Variants in OXNAD1 observed in about 807,000 individuals in gnomAD.
OXNAD1 encodes oxidoreductase NAD-binding domain-containing protein 1.
In OXNAD1, 34 loss-of-function variants were observed where a neutral mutation model predicts 32.9. The observed-to-expected ratio is 1.03, with a 90% confidence interval of 0.79 to 1.38. OXNAD1 has a LOEUF of 1.38. Among genes scored for constraint, OXNAD1 ranks in the 40% most tolerant of loss-of-function variants. The pLI is 0.00. For synonymous variants in OXNAD1, 134 were observed against 135.2 expected (o/e 0.99, Z 0.06); for missense variants, 407 against 379.4 (o/e 1.07, Z -0.60).
intron 4 of OXNAD1, chr3:16,272,219 A>G (rs777131438): frequency 4.6e-6 from 2 of 438,384 alleles, no homozygotes; most frequent in Middle Eastern, 3.3e-4. Context: ...TTACCCTTCT[A>G]ATGTACAGAT....
At position 16,302,824 on chromosome 3, in the gene OXNAD1, C is replaced by CTTTA; in HGVS notation, c.784+79_784+82dup. ...CACACCAGTTGGTTGAGCGTAGATG[C>CTTTA]TTTATTGTTGGAAGCTGCTGGCTGG... On this transcript the variant is annotated intron_variant, in intron 8 of 8. Transcript: ENST00000285083. This position sits in a 1 kb window ranked among gnomAD's most constrained non-coding sequence, Gnocchi z 4.2. 9.0e-7 allele frequency: 1 copy of CTTTA among 1,117,302 alleles called. No homozygotes were observed. Among genetic ancestry groups the CTTTA allele is most frequent in the Non-Finnish European group, 1.3e-6 (1 of 758,492 alleles). The allele number at this position is 1,117,302 out of a possible 1,614,324, so 69.2% of individuals were successfully genotyped here.
In OXNAD1 at chr3:16,298,508, C is replaced by T. The variant is rs115280391; in HGVS notation, c.433-3118C>T. ...CATCCTAATTGTAGTGCCTGCTCTA[C>T]TCTGCCCAGTGGGAGTTGCAAACAG... On this transcript the variant is annotated intron_variant, in intron 6 of 8. Coordinates refer to ENST00000285083, the MANE Select transcript of OXNAD1 (RefSeq NM_138381.5). This position sits in a 1 kb window ranked among gnomAD's most constrained non-coding sequence, Gnocchi z 5.1. Among the ~76,000 whole-genome samples the T allele has an allele frequency of 4.0e-3, 616 of 152,278 alleles. 4 individuals carry two copies. Among genetic ancestry groups the T allele is most frequent in the African/African-American group, 0.014 (602 of 41,554 alleles).
intron 4 of OXNAD1, among the ~76,000 whole-genome samples, chr3:16,274,727 C>T (rs1053122182): frequency 1.3e-5 from 2 of 152,190 alleles, no homozygotes; most frequent in Admixed American, 6.5e-5. Flanking sequence ...GTGGTGAAAC[C>T]AGGACTGATT....
At position 16,335,105 on chromosome 3, in the gene OXNAD1, T is replaced by G. The variant is rs1015557066; in HGVS notation, c.*31-2007T>G. Among the ~76,000 whole-genome samples the G allele has an allele frequency of 6.6e-6, 1 of 152,232 alleles. No individual in the cohort carries two copies. Among genetic ancestry groups the G allele is most frequent in the South Asian group, 2.1e-4 (1 of 4,828 alleles). On this transcript the variant is annotated intron_variant, in intron 9 of 9. Transcript: ENST00000435829. This position sits in a 1 kb window ranked among gnomAD's most constrained non-coding sequence, Gnocchi z 4.7. ...TTTCAGACTTCTGACTCAACAAATG[T>G]AAGACAATAAACTTGCGTTGTTTTA...
chr3:16,317,031 C>T lies in OXNAD1; in HGVS notation c.*30+13439C>T. On this transcript the variant is annotated intron_variant, in intron 9 of 9. Transcript: ENST00000435829. The surrounding 1 kb of genome is among the most constrained non-coding windows in gnomAD (Gnocchi z 4.3). ...AGCTGTTCTCCCTTGTCCTCTTGGA[C>T]AGGGCCCTTCATCTCCTCGGAGACT... 1 of 1,613,832 alleles carries T rather than the reference C, an allele frequency of 6.2e-7. No homozygotes were observed. The highest frequency in any genetic ancestry group is 8.5e-7 in the Non-Finnish European group (1 of 1,179,968).
chr3:16,271,016 G>A lies in OXNAD1; in HGVS notation c.64G>A (p.Glu22Lys), dbSNP rs767579105. Residue 22 changes from glutamate to lysine, a missense_variant, in exon 3 of 9, where the codon GAG becomes AAG. Transcript: ENST00000285083. This position sits in a 1 kb window ranked among gnomAD's most constrained non-coding sequence, Gnocchi z 4.6. ...GTGCTCTGTTGGAGCCATCCGTATT[G>A]AGGCTGCGTCACTGAGATTGACACT... is the stretch of plus-strand genomic sequence containing the variant. ...LRCSVGAIRIEAASLRLTLST... is the reference protein window; with the variant it reads ...LRCSVGAIRIKAASLRLTLST... 2 of 1,614,172 alleles carry A rather than the reference G, an allele frequency of 1.2e-6. No homozygotes were observed.
intron 9 of OXNAD1, among the ~76,000 whole-genome samples, chr3:16,324,612 G>GGCCCC (rs1270315325): frequency 1.4e-5 from 1 of 71,084 alleles, no homozygotes; most frequent in African/African-American, 6.1e-5. Flanking sequence ...GAATGTCCCT[G>GGCCCC]ACCCCCCCCC....
At chr3:16,286,570 A>G (rs561980017) in intron 5 of OXNAD1, 122 bp downstream of exon 5, 1 of 783,094 alleles carries the variant, frequency 1.3e-6, no homozygotes, top group Admixed American at 2.2e-5. Flanking sequence ...TCTAAATCAT[A>G]TCTGCTCAGG....
In OXNAD1 at chr3:16,287,571, G is replaced by A. The variant is rs1469669762; in HGVS notation, c.290+1123G>A. On this transcript the variant is annotated intron_variant, in intron 5 of 8. Coordinates refer to ENST00000285083, the MANE Select transcript of OXNAD1 (RefSeq NM_138381.5). The surrounding 1 kb of genome is among the most constrained non-coding windows in gnomAD (Gnocchi z 4.8). ...ATATTGAAAAGTGGAAACTTTAATT[G>A]TAATGATCTGTTTTCCATATTTCCT... 6.6e-6 allele frequency among the ~76,000 whole-genome samples: 1 copy of A among 152,204 alleles called. No homozygotes were observed. The highest frequency in any genetic ancestry group is 2.4e-5 in the African/African-American group (1 of 41,442).
At chr3:16,295,422 A>C (rs759297419) in intron 6 of OXNAD1, among the ~76,000 whole-genome samples, 35 of 152,318 alleles carry the variant, frequency 2.3e-4, no homozygotes, top group Non-Finnish European at 3.2e-4. Context: ...AGAGGTGAGC[A>C]CAGCTAAATC....
At chr3:16,342,083 A>G (rs1272409392), downstream of OXNAD1, among the ~76,000 whole-genome samples, 2 of 152,216 alleles carry the variant, frequency 1.3e-5, no homozygotes, top group Non-Finnish European at 2.9e-5. This position sits in a 1 kb window ranked among gnomAD's most constrained non-coding sequence, Gnocchi z 4.0. Flanking sequence ...ATTTAAAGCA[A>G]ACAATTCAGT....
intron 9 of OXNAD1, among the ~76,000 whole-genome samples, chr3:16,324,849 T>C (rs1049891695): frequency 2.0e-5 from 3 of 152,120 alleles, no homozygotes; most frequent in African/African-American, 7.2e-5. Context: ...TAGAAGTGGG[T>C]TTGCTGGATC....
chr3:16,350,408 AT>A (rs1158749846), downstream of OXNAD1: 2 of 152,170 alleles, frequency 1.3e-5, no homozygotes, highest in Non-Finnish European at 2.9e-5. Context: ...GGGCGTGGGC[AT>A]TTCAAATTGT....
At position 16,277,977 on chromosome 3, in the gene OXNAD1, C is replaced by G. The variant is rs2065465019; in HGVS notation, c.183+6255C>G. ...ATACTGTAATGCAGTAAAGATTGTT[C>G]AGGCAAGACAAATTTTACTGGAGGG... On this transcript the variant is annotated intron_variant, in intron 4 of 8. Transcript: ENST00000285083. This position sits in a 1 kb window ranked among gnomAD's most constrained non-coding sequence, Gnocchi z 4.3. 6.6e-6 allele frequency among the ~76,000 whole-genome samples: 1 copy of G among 152,188 alleles called. No individual in the cohort carries two copies. The highest frequency in any genetic ancestry group is 2.4e-5 in the African/African-American group (1 of 41,444).
downstream of OXNAD1, among the ~76,000 whole-genome samples, chr3:16,337,897 G>C (rs1403962035): frequency 2.0e-5 from 3 of 152,194 alleles, no homozygotes; most frequent in Non-Finnish European, 4.4e-5. The surrounding 1 kb of genome is among the most constrained non-coding windows in gnomAD (Gnocchi z 5.0). Context: ...CTTTGGCCTT[G>C]CATTACCTCT....
Position 16,317,191 on chromosome 3 carries a change from C to T in OXNAD1, c.*30+13599C>T, listed in dbSNP as rs1355672510. On this transcript the variant is annotated intron_variant, in intron 9 of 9. Coordinates refer to the OXNAD1 transcript ENST00000435829. This position sits in a 1 kb window ranked among gnomAD's most constrained non-coding sequence, Gnocchi z 4.3. The stretch of plus-strand genomic sequence containing the variant: ...TGAGTTTACCTTTTGATTTCCTCAT[C>T]TGCCTGTTGTGCATTTCTTCTCTGG... 1.2e-6 allele frequency: 2 copies of T among 1,613,368 alleles called. No individual in the cohort carries two copies. Among genetic ancestry groups the T allele is most frequent in the African/African-American group, 1.3e-5 (1 of 74,810 alleles).
chr3:16,318,709 T>A (rs1331277211), intron 9 of OXNAD1, among the ~76,000 whole-genome samples: 2 of 152,300 alleles, frequency 1.3e-5, no homozygotes, highest in Admixed American at 1.3e-4. Context: ...AGGTTAGGAT[T>A]TAACATTTAT....
chr3:16,342,708 A>C lies in OXNAD1; in HGVS notation c.*31-6468A>C, dbSNP rs1691333755. Reference sequence around the variant, plus strand: ...TTCTTAAGTCTAATTTGCCAAGCCTAATTTGCCACTTCACCCGAAAAGGAT... The same window carrying C: ...TTCTTAAGTCTAATTTGCCAAGCCTCATTTGCCACTTCACCCGAAAAGGAT... On this transcript the variant is annotated intron_variant, in intron 9 of 9. Transcript: ENST00000606098. This position sits in a 1 kb window ranked among gnomAD's most constrained non-coding sequence, Gnocchi z 4.0. Among the ~76,000 whole-genome samples, 1 of 152,220 alleles carries C rather than the reference A, an allele frequency of 6.6e-6. No homozygotes were observed. Among genetic ancestry groups the C allele is most frequent in the Admixed American group, 6.5e-5 (1 of 15,290 alleles).
downstream of OXNAD1, among the ~76,000 whole-genome samples, chr3:16,351,047 G>A (rs1485993788): frequency 6.6e-6 from 1 of 152,176 alleles, no homozygotes; most frequent in East Asian, 1.9e-4. This position sits in a 1 kb window ranked among gnomAD's most constrained non-coding sequence, Gnocchi z 5.4. Context: ...GAACAAGTGA[G>A]ACCTAATGTG....
Sources: gnomAD v4.1 joint callset for allele counts (sites outside exome capture counted in the v4.1 genomes callset) on GRCh38, gnomAD v4.1.1 for gene constraint, Gnocchi (gnomAD v3.1) non-coding constraint, MANE v1.5 for transcripts, NCBI Gene and HGNC (gene_info 2026-07-23, HGNC 2026-07-21) for gene names.